Variants in DCDC2C observed in about 807,000 individuals in gnomAD.
DCDC2C encodes doublecortin domain containing 2C, also known as doublecortin domain-containing protein 2C.
In DCDC2C, 44 loss-of-function variants were observed where a neutral mutation model predicts 45.0. The observed-to-expected ratio is 0.98, with a 90% CI of 0.77 to 1.26. The LOEUF (loss-of-function observed/expected upper bound fraction) is 1.26, where lower values mean the gene tolerates loss of function less well. DCDC2C is among the 50% of genes most tolerant of loss of function. The probability of loss-of-function intolerance (pLI) is 0.00; values close to 1 mark genes in which losing one functional copy is unlikely to be tolerated. For missense variants in DCDC2C, 447 were observed against 468.9 expected (o/e 0.95, Z 0.43); for synonymous variants, 187 against 178.8 (o/e 1.05, Z -0.37).
At chr2:3,776,483 G>A (rs146478741) in intron 8 of DCDC2C, among the ~76,000 whole-genome samples, 13 of 152,258 alleles carry the variant, frequency 8.5e-5, no homozygotes, top group Middle Eastern at 3.4e-3. Flanking sequence ...CACCCATGGC[G>A]CTCCCGGCCA....
intron 1 of DCDC2C, among the ~76,000 whole-genome samples, chr2:3,705,287 G>A (rs1445733874): frequency 6.6e-6 from 1 of 152,210 alleles, no homozygotes; most frequent in Non-Finnish European, 1.5e-5. Context: ...CTAAGAGGTA[G>A]AATCTGGATT....
intron 10 of DCDC2C, among the ~76,000 whole-genome samples, chr2:3,836,817 G>C (rs1358351230): frequency 1.6e-4 from 24 of 148,522 alleles, no homozygotes; most frequent in South Asian, 6.4e-4. Flanking sequence ...AGCCGAGATC[G>C]CGCCACTGCA....
chr2:3,752,814 C>CA lies in DCDC2C; in HGVS notation c.599dup (p.Asn200LysfsTer26). On this transcript the variant is annotated frameshift_variant, in exon 5 of 11. Transcript: ENST00000399143. LOFTEE classifies it high-confidence loss of function. The stretch of plus-strand genomic sequence containing the variant: ...TGGGCGACTCAAAGGATTTGCAAGA[C>CA]AATCACTTTTATGTTGCTGTGGGAC... The CA allele has an allele frequency of 6.4e-7, 1 of 1,550,460 alleles. No homozygotes were observed. Among genetic ancestry groups the CA allele is most frequent in the Admixed American group, 2.0e-5 (1 of 50,998 alleles).
chr2:3,835,276 G>T (rs1033235833), intron 10 of DCDC2C, among the ~76,000 whole-genome samples: 2 of 152,206 alleles, frequency 1.3e-5, no homozygotes, highest in African/African-American at 4.8e-5. Context: ...TGGTGTTCTT[G>T]AGTCTCTTTC....
At chr2:3,755,673 G>A (rs1273778276) in intron 6 of DCDC2C, among the ~76,000 whole-genome samples, 1 of 152,058 alleles carries the variant, frequency 6.6e-6, no homozygotes, top group African/African-American at 2.4e-5. Flanking sequence ...ATGCATATGT[G>A]TGTGGATGTG....
At chr2:3,759,089 C>T (rs1360086763) in intron 6 of DCDC2C, among the ~76,000 whole-genome samples, 2 of 152,158 alleles carry the variant, frequency 1.3e-5, no homozygotes, top group Non-Finnish European at 2.9e-5. Flanking sequence ...AGCACCAGCA[C>T]CAAAATGTGC....
chr2:3,781,167 G>A (rs1033336584), intron 9 of DCDC2C, among the ~76,000 whole-genome samples: 3 of 152,210 alleles, frequency 2.0e-5, no homozygotes, highest in Admixed American at 2.0e-4. Context: ...CGTTTTATAT[G>A]CATTATACTA....
chr2:3,811,757 A>G (rs1018995709), intron 10 of DCDC2C, among the ~76,000 whole-genome samples: 5 of 152,204 alleles, frequency 3.3e-5, no homozygotes, highest in African/African-American at 1.2e-4. Context: ...ATGCTCCATC[A>G]ATACCTTGTT....
At chr2:3,725,239 T>A (rs949679505) in intron 2 of DCDC2C, among the ~76,000 whole-genome samples, 1 of 152,094 alleles carries the variant, frequency 6.6e-6, no homozygotes, top group Non-Finnish European at 1.5e-5. Flanking sequence ...AGGGGTGGCT[T>A]CCCAGCGCTG....
chr2:3,762,484 T>C (rs554928403), intron 6 of DCDC2C, among the ~76,000 whole-genome samples: 1 of 152,278 alleles, frequency 6.6e-6, no homozygotes, highest in African/African-American at 2.4e-5. Context: ...AGCATGGGAA[T>C]AGCATCTGCT....
intron 10 of DCDC2C, among the ~76,000 whole-genome samples, chr2:3,832,846 G>A (rs1454236): frequency 0.38 from 57,657 of 152,104 alleles, 11,267 homozygotes; most frequent in African/African-American, 0.48. Flanking sequence ...CGTTGGAGAT[G>A]GCAGGAGTGC....
chr2:3,731,458 A>C (rs1668864495), intron 3 of DCDC2C, among the ~76,000 whole-genome samples: 1 of 152,174 alleles, frequency 6.6e-6, no homozygotes, highest in Non-Finnish European at 1.5e-5. Flanking sequence ...TTCTGAGCAT[A>C]ATTGGGTTGG....
chr2:3,798,035 T>A (rs1274718879), intron 10 of DCDC2C, among the ~76,000 whole-genome samples: 1 of 152,070 alleles, frequency 6.6e-6, no homozygotes, highest in Non-Finnish European at 1.5e-5. Flanking sequence ...CAGGACTTGC[T>A]TTATGAATCT....
intron 8 of DCDC2C, among the ~76,000 whole-genome samples, chr2:3,773,261 C>T (rs1463132920): frequency 6.6e-6 from 1 of 151,892 alleles, no homozygotes; most frequent in South Asian, 2.1e-4. Flanking sequence ...TTTTTTCCCT[C>T]CTAGGCTGCA....
intron 10 of DCDC2C, among the ~76,000 whole-genome samples, chr2:3,790,119 C>T (rs572355849): frequency 6.6e-6 from 1 of 152,236 alleles, no homozygotes; most frequent in South Asian, 2.1e-4. Context: ...TAGGTCTTCC[C>T]AAGGAGGCTC....
chr2:3,755,978 A>G (rs771874148), intron 6 of DCDC2C, among the ~76,000 whole-genome samples: 1 of 151,888 alleles, frequency 6.6e-6, no homozygotes, highest in Non-Finnish European at 1.5e-5. Flanking sequence ...GGATGCATAC[A>G]TGGGTATTCA....
intron 10 of DCDC2C, among the ~76,000 whole-genome samples, chr2:3,825,657 T>A (rs1272114393): frequency 6.6e-6 from 1 of 152,114 alleles, no homozygotes; most frequent in Admixed American, 6.5e-5. Context: ...ACTGCCCTGA[T>A]TTGAGTTCAA....
chr2:3,836,007 G>C (rs894886684), intron 10 of DCDC2C, among the ~76,000 whole-genome samples: 4 of 152,094 alleles, frequency 2.6e-5, no homozygotes, highest in African/African-American at 7.2e-5. Flanking sequence ...ACCTCCCAAA[G>C]TGCTGGGTTT....
chr2:3,782,938 T>C (rs775496395), intron 9 of DCDC2C, among the ~76,000 whole-genome samples: 4 of 152,196 alleles, frequency 2.6e-5, no homozygotes, highest in Non-Finnish European at 5.9e-5. Flanking sequence ...ATGGAAAGTA[T>C]GAATGGCAAT....
Sources: gnomAD v4.1 joint callset for allele counts (sites outside exome capture counted in the v4.1 genomes callset) on GRCh38, gnomAD v4.1.1 for gene constraint, MANE v1.5 for transcripts, NCBI Gene and HGNC (gene_info 2026-07-23, HGNC 2026-07-21) for gene names.